Variants in HEATR5B observed in about 807,000 individuals in gnomAD.
HEATR5B encodes the protein HEAT repeat-containing protein 5B.
In HEATR5B, 156 loss-of-function variants were observed where a neutral mutation model predicts 224.1. That is an observed-to-expected ratio of 0.70 (90% CI 0.61 to 0.80). The LOEUF is 0.80. Ranked by LOEUF, HEATR5B falls within the 30% of genes least tolerant of loss-of-function variation. The pLI is 0.00. For synonymous variants in HEATR5B, 1,027 were observed against 893.0 expected (o/e 1.15, Z -2.68); for missense variants, 2,323 against 2,535.5 (o/e 0.92, Z 1.80).
intron 20 of HEATR5B, among the ~76,000 whole-genome samples, chr2:37,038,736 G>C (rs1263606635): frequency 6.6e-6 from 1 of 151,608 alleles, no homozygotes; most frequent in Non-Finnish European, 1.5e-5. Context: ...CCTGAGGTCA[G>C]GAGTTCGAGA....
intron 5 of HEATR5B, 86 bp from the exon 6 acceptor site, chr2:37,072,367 C>T: frequency 1.2e-6 from 1 of 831,874 alleles, no homozygotes; most frequent in East Asian, 2.6e-5. Context: ...TACCACCTCT[C>T]CTGAGATAAC....
At chr2:37,005,526 T>C (rs1667354777) in intron 30 of HEATR5B, 106 bp downstream of exon 30, 2 of 994,998 alleles carry the variant, frequency 2.0e-6, no homozygotes, top group South Asian at 1.4e-5. Context: ...ATTCATATCA[T>C]GTTAAAATAG....
At chr2:36,991,098 G>T (rs1049900122) in intron 33 of HEATR5B, among the ~76,000 whole-genome samples, 3 of 152,140 alleles carry the variant, frequency 2.0e-5, no homozygotes, top group Non-Finnish European at 4.4e-5. Flanking sequence ...AATGTATAAA[G>T]TTAAATGTAT....
chr2:37,003,494 A>C lies in HEATR5B; in HGVS notation c.5050+48T>G, dbSNP rs372008658. On this transcript the variant is annotated intron_variant, in intron 31 of 35. Coordinates refer to ENST00000233099, the MANE Select transcript of HEATR5B (RefSeq NM_019024.3). ...CTGGCGTTAATATTTTAAAAATTAG[A>C]GTATAAAATAAGATTTACTTCAAGT... The C allele has an allele frequency of 7.0e-6, 9 of 1,292,268 alleles. No homozygotes were observed. The African/African-American group carries it at 1.3e-4, about 19-fold the overall frequency. The allele number at this position is 1,292,268 out of a possible 1,614,324, so 80.1% of individuals were successfully genotyped here. A position where few individuals can be genotyped will look rare whatever the true frequency, so the allele number is the denominator to read the frequency against.
At chr2:36,995,410 T>C (rs1265043177) in intron 33 of HEATR5B, among the ~76,000 whole-genome samples, 1 of 152,184 alleles carries the variant, frequency 6.6e-6, no homozygotes, top group African/African-American at 2.4e-5. Flanking sequence ...TACACACATA[T>C]ACATATATAA....
At chr2:36,985,490 C>G (rs1665888420) in intron 35 of HEATR5B, among the ~76,000 whole-genome samples, 1 of 142,838 alleles carries the variant, frequency 7.0e-6, no homozygotes, top group Non-Finnish European at 1.5e-5. Flanking sequence ...CAGAGTCTCA[C>G]TCTGTTGCCC....
rs371639769 is a variant in HEATR5B, at chr2:37,069,412, T to C, written c.928-482A>G. Among the ~76,000 whole-genome samples, 62 of 152,344 alleles carry C rather than the reference T, an allele frequency of 4.1e-4. 1 individual carries two copies. Among genetic ancestry groups the C allele is most frequent in the African/African-American group, 1.3e-3 (55 of 41,590 alleles). On this transcript the variant is annotated intron_variant, in intron 7 of 35. Coordinates refer to ENST00000233099, the MANE Select transcript of HEATR5B (RefSeq NM_019024.3). ...GACTATGATCACCATTTCATCTTATTAGGTGTTAATTATTATTAGATCATT... is the reference window on the plus strand; with the variant it reads ...GACTATGATCACCATTTCATCTTATCAGGTGTTAATTATTATTAGATCATT...
At chr2:37,025,736 AAC>A (rs1263471545) in intron 24 of HEATR5B, among the ~76,000 whole-genome samples, 2 of 152,210 alleles carry the variant, frequency 1.3e-5, no homozygotes, top group South Asian at 2.1e-4. Context: ...GAAGAAAAAT[AAC>A]AGTTAAGAAA....
intron 9 of HEATR5B, 70 bp from the exon 10 acceptor site, chr2:37,065,060 T>G (rs538897426): frequency 3.5e-6 from 5 of 1,439,190 alleles, no homozygotes; most frequent in African/African-American, 1.4e-5. Flanking sequence ...AAATACTATC[T>G]AAAAAACAAT....
intron 35 of HEATR5B, among the ~76,000 whole-genome samples, chr2:36,987,914 A>G (rs1189871867): frequency 6.6e-6 from 1 of 152,026 alleles, no homozygotes; most frequent in Non-Finnish European, 1.5e-5. Flanking sequence ...TCTACAAAAA[A>G]TACAAAAATT....
chr2:37,064,691 G>A (rs1382883897), intron 10 of HEATR5B, 49 bp downstream of exon 10: 3 of 1,600,422 alleles, frequency 1.9e-6, no homozygotes, highest in Non-Finnish European at 1.7e-6. Flanking sequence ...TTCCTATAAA[G>A]ACCAAAGCCC....
At chr2:36,991,361 G>A (rs1323788096) in intron 33 of HEATR5B, among the ~76,000 whole-genome samples, 1 of 151,980 alleles carries the variant, frequency 6.6e-6, no homozygotes, top group Non-Finnish European at 1.5e-5. Flanking sequence ...TGGGCATGGT[G>A]GTGCATGCTT....
intron 35 of HEATR5B, among the ~76,000 whole-genome samples, chr2:36,988,257 G>A (rs2247357): frequency 6.6e-6 from 1 of 151,424 alleles, no homozygotes. Flanking sequence ...CAAAGGCCTG[G>A]TTTTTTTTCT....
At chr2:37,041,355 A>G (rs371590887) in intron 18 of HEATR5B, 63 bp from the exon 19 acceptor site, 20 of 1,462,042 alleles carry the variant, frequency 1.4e-5, no homozygotes, top group Non-Finnish European at 1.9e-5. Flanking sequence ...CAACAACATT[A>G]TAAGTCACAC....
At chr2:37,043,257 T>C (rs558805360) in intron 18 of HEATR5B, among the ~76,000 whole-genome samples, 20 of 152,220 alleles carry the variant, frequency 1.3e-4, no homozygotes, top group Non-Finnish European at 2.5e-4. Context: ...TTTAACAGTA[T>C]GAACCTGACA....
intron 24 of HEATR5B, among the ~76,000 whole-genome samples, chr2:37,021,451 C>T (rs1443779995): frequency 6.6e-6 from 1 of 152,216 alleles, no homozygotes; most frequent in East Asian, 1.9e-4. Flanking sequence ...TCTGTTGAAT[C>T]TCACCCTGAC....
At chr2:37,056,683 A>G in intron 15 of HEATR5B, 68 bp from the exon 16 acceptor site, 1 of 1,346,496 alleles carries the variant, frequency 7.4e-7, no homozygotes, top group Non-Finnish European at 1.0e-6. Context: ...AACATTGGGA[A>G]TGAGGATTAC....
chr2:36,994,462 CTA>C (rs1558701437), intron 33 of HEATR5B, among the ~76,000 whole-genome samples: 1 of 152,096 alleles, frequency 6.6e-6, no homozygotes, highest in African/African-American at 2.4e-5. Flanking sequence ...TGGAAATACT[CTA>C]TTATAAAACT....
intron 24 of HEATR5B, among the ~76,000 whole-genome samples, chr2:37,025,040 T>C (rs561688049): frequency 6.6e-6 from 1 of 152,262 alleles, no homozygotes; most frequent in African/African-American, 2.4e-5. Flanking sequence ...AATTAAAGCA[T>C]AGGAGATAGG....
Sources: allele counts gnomAD v4.1 joint callset (sites outside exome capture counted in the v4.1 genomes callset), GRCh38; gene constraint gnomAD v4.1.1; transcripts MANE v1.5; gene names NCBI Gene and HGNC (gene_info 2026-07-23, HGNC 2026-07-21).